Variants in DNAAF5 observed in about 807,000 individuals in gnomAD.
DNAAF5 encodes HEAT repeat containing 2.
In DNAAF5, 64 loss-of-function variants were observed where a neutral mutation model predicts 75.8. The ratio of observed to expected loss-of-function variants is 0.84; its 90% CI spans 0.69 to 1.04. DNAAF5 has a LOEUF of 1.04. DNAAF5 is among the 50% of genes least tolerant of loss of function. The pLI is 0.00. For missense variants in DNAAF5, 1,269 were observed against 1,178.5 expected (o/e 1.08, Z -1.12); for synonymous variants, 657 against 557.2 (o/e 1.18, Z -2.52).
chr7:738,592 T>A lies in DNAAF5; in HGVS notation c.781-2227T>A, dbSNP rs559990567. On this transcript the variant is annotated intron_variant, in intron 2 of 12. Transcript: ENST00000297440. ...TTATTTTGCTTTTTAGAAAAAAAAA[T>A]TGAAAAACGTCCTGCTTTTTTAAAC... Among the ~76,000 whole-genome samples, 212 of 147,460 alleles carry A rather than the reference T, an allele frequency of 1.4e-3. 1 individual carries two copies. Among genetic ancestry groups the A allele is most frequent in the Middle Eastern group, 3.6e-3 (1 of 280 alleles).
intron 7 of DNAAF5, among the ~76,000 whole-genome samples, chr7:762,478 C>T (rs1782690718): frequency 6.9e-6 from 1 of 145,778 alleles, no homozygotes; most frequent in South Asian, 2.2e-4. Flanking sequence ...AGCAACAGAG[C>T]GAGACTCCGT....
At chr7:729,441 C>T (rs562304121) in intron 1 of DNAAF5, among the ~76,000 whole-genome samples, 1 of 152,352 alleles carries the variant, frequency 6.6e-6, no homozygotes, top group South Asian at 2.1e-4. Flanking sequence ...GCACAGGTGT[C>T]ATCAGGGTGG....
Position 754,851 on chromosome 7 carries a change from G to A in DNAAF5, c.1257+30G>A, listed in dbSNP as rs199672187. On this transcript the variant is annotated intron_variant, in intron 5 of 12. Coordinates refer to ENST00000297440, the MANE Select transcript of DNAAF5 (RefSeq NM_017802.4). The surrounding 1 kb of genome is among the most constrained non-coding windows in gnomAD (Gnocchi z 4.8). ...GTGGCCGTATTCCAGTCGTGGTCGC[G>A]GAGCTGTAACTCGAGCTTAAGATCC... 667 of 1,507,890 alleles carry A rather than the reference G, an allele frequency of 4.4e-4. 5 individuals carry two copies. The African/African-American group carries it at 8.0e-3, about 18-fold the overall frequency. 93.4% of individuals were successfully genotyped at this position (1,507,890 alleles called of 1,614,324 possible). A position where few individuals can be genotyped will look rare whatever the true frequency, so the allele number is the denominator to read the frequency against.
intron 8 of DNAAF5, among the ~76,000 whole-genome samples, chr7:769,721 G>A (rs895220735): frequency 2.6e-5 from 4 of 152,156 alleles, no homozygotes; most frequent in African/African-American, 4.8e-5. Flanking sequence ...GCAATAGTGC[G>A]ATCTCAGCTC....
At chr7:780,256 C>T in intron 12 of DNAAF5, 112 bp downstream of exon 12, 1 of 968,728 alleles carries the variant, frequency 1.0e-6, no homozygotes, top group South Asian at 1.7e-5. Flanking sequence ...ACAGGAGGGG[C>T]CTCAGCTCCG....
rs6951032 is a variant in DNAAF5 at position 754,455 on chromosome 7, C to T, written c.1025-134C>T. The T allele has an allele frequency of 0.15, 117,058 of 766,274 alleles. 10,302 individuals are homozygous for T. The highest frequency in any genetic ancestry group is 0.28 in the East Asian group (11,275 of 40,530). 47.5% of individuals were successfully genotyped at this position (766,274 alleles called of 1,614,324 possible). A position where few individuals can be genotyped will look rare whatever the true frequency, so the allele number is the denominator to read the frequency against. On this transcript the variant is annotated intron_variant, in intron 4 of 12. Transcript: ENST00000297440. The surrounding 1 kb of genome is among the most constrained non-coding windows in gnomAD (Gnocchi z 4.8). ...AACGACGGGGCATTTGTCAGCTTTG[C>T]GTCCACCCCAAGACTTGTTTTGAAA...
chr7:752,745 A>G (rs1415095949), intron 4 of DNAAF5, among the ~76,000 whole-genome samples: 1 of 152,264 alleles, frequency 6.6e-6, no homozygotes, highest in Admixed American at 6.5e-5. Context: ...CAAAATGAAC[A>G]CTTCTGCTTT....
At chr7:765,696 T>A (rs1057082565) in intron 8 of DNAAF5, among the ~76,000 whole-genome samples, 1 of 152,116 alleles carries the variant, frequency 6.6e-6, no homozygotes, top group African/African-American at 2.4e-5. Flanking sequence ...TAAAACTGTA[T>A]GGGTTTTTTT....
intron 5 of DNAAF5, among the ~76,000 whole-genome samples, chr7:756,385 C>A (rs1016655968): frequency 6.8e-6 from 1 of 146,770 alleles, no homozygotes; most frequent in Non-Finnish European, 1.5e-5. Context: ...TGGAATCCCA[C>A]GGTGCAGAGG....
intron 12 of DNAAF5, among the ~76,000 whole-genome samples, chr7:784,855 T>C (rs1283041465): frequency 1.3e-5 from 2 of 152,208 alleles, no homozygotes; most frequent in Non-Finnish European, 2.9e-5. Flanking sequence ...CATTTCATGG[T>C]CTGCCCACAA....
chr7:784,484 C>T (rs1779086539), intron 12 of DNAAF5, among the ~76,000 whole-genome samples: 1 of 152,154 alleles, frequency 6.6e-6, no homozygotes, highest in Non-Finnish European at 1.5e-5. Flanking sequence ...TGATAGACTC[C>T]CCAGCCACTG....
At chr7:780,252 G>A (rs898439215) in intron 12 of DNAAF5, 108 bp downstream of exon 12, 2 of 1,030,760 alleles carry the variant, frequency 1.9e-6, no homozygotes, top group Admixed American at 4.8e-5. Flanking sequence ...GGGCACAGGA[G>A]GGGCCTCAGC....
chr7:736,665 C>T (rs142484411), intron 2 of DNAAF5, among the ~76,000 whole-genome samples: 1 of 152,168 alleles, frequency 6.6e-6, no homozygotes, highest in Non-Finnish European at 1.5e-5. Context: ...TTCAGCCGCT[C>T]TGTCTTTTGA....
chr7:771,366 T>G (rs1331388702), intron 9 of DNAAF5: 4 of 152,310 alleles, frequency 2.6e-5, no homozygotes, highest in Non-Finnish European at 5.9e-5. Flanking sequence ...CCACTTACTT[T>G]GCTCAGAGCA....
chr7:775,146 C>T lies in DNAAF5; in HGVS notation c.2223C>T (p.Leu741=), dbSNP rs752639584. Residue 741 remains leucine, a synonymous_variant, in exon 11 of 13, where the codon CTC becomes CTT. Coordinates refer to ENST00000297440, the MANE Select transcript of DNAAF5 (RefSeq NM_017802.4). ...GCGGCATGACGGATCCAGAGAAACT[C>T]ATCAGGATTTATCCTGGTAGGACAT... ...TSGGMTDPEK[L]IRIYPELLKR... 6.2e-7 allele frequency: 1 copy of T among 1,614,118 alleles called. No individual in the cohort carries two copies. Among genetic ancestry groups the T allele is most frequent in the East Asian group, 2.2e-5 (1 of 44,884 alleles).
chr7:769,322 C>T, intron 8 of DNAAF5: 1 of 649,528 alleles, frequency 1.5e-6, no homozygotes, highest in East Asian at 2.7e-5. Context: ...AGCTCCTGGG[C>T]CTGCAGGCTG....
rs1358007541 is a variant in DNAAF5 at position 727,248 on chromosome 7, C to T, written c.528C>T (p.Leu176=). The change falls in exon 1 of 13, where the codon CTC becomes CTT. Residue 176 remains leucine (L), a synonymous_variant. Coordinates refer to ENST00000297440, the MANE Select transcript of DNAAF5 (RefSeq NM_017802.4). ...DALRALRCSL[L]DPFAAVRRES... The stretch of plus-strand genomic sequence containing the variant: ...TGCGCGCGCTGCGCTGCTCCCTGCT[C>T]GACCCCTTCGCCGCCGTGCGCCGCG... The T allele has an allele frequency of 1.1e-5, 15 of 1,347,692 alleles. No individual in the cohort carries two copies. The highest frequency in any genetic ancestry group is 3.6e-5 in the Admixed American group (1 of 28,012). 83.5% of individuals were successfully genotyped at this position (1,347,692 alleles called of 1,614,324 possible).
At chr7:755,181 C>A (rs1359453279) in intron 5 of DNAAF5, among the ~76,000 whole-genome samples, 1 of 152,190 alleles carries the variant, frequency 6.6e-6, no homozygotes, top group Non-Finnish European at 1.5e-5. Flanking sequence ...TCTGGACTGT[C>A]CTGAGGGCCC....
At chr7:772,785 T>G (rs1205199273) in intron 9 of DNAAF5, 1 of 151,680 alleles carries the variant, frequency 6.6e-6, no homozygotes, top group Non-Finnish European at 1.5e-5. Context: ...GAGGCAGAGG[T>G]TGCAGTGAGC....
Sources: allele counts gnomAD v4.1 joint callset (sites outside exome capture counted in the v4.1 genomes callset), GRCh38; gene constraint gnomAD v4.1.1; non-coding constraint Gnocchi (gnomAD v3.1); transcripts MANE v1.5; gene names NCBI Gene and HGNC (gene_info 2026-07-23, HGNC 2026-07-21).